RHEX: variants seen among roughly 807,000 people sequenced by gnomAD.
The protein encoded by RHEX is regulator of hemoglobinization and erythroid cell expansion.
Under a neutral mutation model 20.1 loss-of-function variants are expected in RHEX, and 18 were observed. That is an observed-to-expected ratio of 0.90 (90% CI 0.62 to 1.33). RHEX has a LOEUF of 1.33. RHEX is among the 40% of genes most tolerant of loss of function. The pLI is 0.00. For synonymous variants in RHEX, 87 were observed against 77.1 expected (o/e 1.13, Z -0.67); for missense variants, 192 against 214.3 (o/e 0.90, Z 0.65).
At chr1:206,065,066 T>C (rs1450927477) in intron 1 of RHEX, among the ~76,000 whole-genome samples, 3 of 152,104 alleles carry the variant, frequency 2.0e-5, no homozygotes, top group African/African-American at 7.3e-5. Context: ...GTTAAACAGA[T>C]GCTTGAAGGC....
chr1:206,074,030 G>A (rs1369360642), intron 1 of RHEX, among the ~76,000 whole-genome samples: 9 of 152,052 alleles, frequency 5.9e-5, no homozygotes, highest in East Asian at 5.8e-4. Flanking sequence ...CCTCGTACCC[G>A]CTCCCCTCTA....
At chr1:206,055,550 G>C (rs1429453985) in intron 1 of RHEX, among the ~76,000 whole-genome samples, 1 of 152,214 alleles carries the variant, frequency 6.6e-6, no homozygotes, top group Non-Finnish European at 1.5e-5. Flanking sequence ...CATCTATTTA[G>C]ATGCAATCGA....
intron 1 of RHEX, among the ~76,000 whole-genome samples, chr1:206,055,729 A>G (rs1164653967): frequency 1.3e-5 from 2 of 152,258 alleles, no homozygotes; most frequent in Non-Finnish European, 2.9e-5. Flanking sequence ...GAAAAAACCC[A>G]TGTCGGCCCC....
At chr1:206,069,733 T>A (rs1222037559) in intron 1 of RHEX, among the ~76,000 whole-genome samples, 2 of 151,486 alleles carry the variant, frequency 1.3e-5, no homozygotes, top group African/African-American at 4.8e-5. Context: ...GCCTGTTCTG[T>A]CTGCACCGAC....
Position 206,071,546 on chromosome 1 carries a change from C to CAA in RHEX, c.-97+18298_-97+18299dup, listed in dbSNP as rs35408708. Among the ~76,000 whole-genome samples, 354 of 95,860 alleles carry CAA rather than the reference C, an allele frequency of 3.7e-3. 8 individuals are homozygous for CAA. In the East Asian group the frequency reaches 0.058, roughly 16 times the overall value. The allele number at this position is 95,860 out of a possible 152,430, so 62.9% of individuals were successfully genotyped here. ...AAACTATAAGATGCTGTTGAAAATGCAAAAAAAAAAAAAAAAAAGGCATTG... is the reference window on the plus strand; with the variant it reads ...AAACTATAAGATGCTGTTGAAAATGCAAAAAAAAAAAAAAAAAAAAGGCATTG... On this transcript the variant is annotated intron_variant, in intron 1 of 5. Coordinates refer to ENST00000331555, the MANE Select transcript of RHEX (RefSeq NM_001007544.4).
chr1:206,099,322 C>CTT (rs368943257), intron 3 of RHEX, among the ~76,000 whole-genome samples: 10 of 144,248 alleles, frequency 6.9e-5, no homozygotes, highest in Admixed American at 1.4e-4. Flanking sequence ...GCAGCTTCCA[C>CTT]TTTTTTTTTT....
rs528047489 is a variant in RHEX, at chr1:206,060,166, T to C, written c.-97+6901T>C. Among the ~76,000 whole-genome samples the C allele has an allele frequency of 2.0e-4, 30 of 152,252 alleles. No homozygotes were observed. In the East Asian group the frequency reaches 5.8e-3, roughly 29 times the overall value. Reference sequence around the variant, plus strand: ...TACCAGCCCTATGACCCTGAGCAAGTGTGATCCTCAAGAACTGTTTTTCTT... The same window carrying C: ...TACCAGCCCTATGACCCTGAGCAAGCGTGATCCTCAAGAACTGTTTTTCTT... On this transcript the variant is annotated intron_variant, in intron 1 of 5. Transcript: ENST00000331555.
intron 1 of RHEX, among the ~76,000 whole-genome samples, chr1:206,072,908 G>A (rs781917068): frequency 4.8e-5 from 7 of 146,684 alleles, no homozygotes; most frequent in African/African-American, 7.7e-5. Context: ...CACAGCTCAC[G>A]GCAACCTTAA....
In RHEX at chr1:206,101,980, T is replaced by C. The variant is rs782477213; in HGVS notation, c.*28T>C. On this transcript the variant is annotated 3_prime_UTR_variant, in exon 6 of 6. Transcript: ENST00000331555. The stretch of plus-strand genomic sequence containing the variant: ...TCCAAATATTTTTAATGGGGTCCAG[T>C]TCTCTATGGATTCTTACATTTAATT... 1.3e-6 allele frequency: 2 copies of C among 1,518,556 alleles called. No homozygotes were observed. Among genetic ancestry groups the C allele is most frequent in the Non-Finnish European group, 1.8e-6 (2 of 1,094,306 alleles). 94.1% of individuals were successfully genotyped at this position (1,518,556 alleles called of 1,614,324 possible). A position where few individuals can be genotyped will look rare whatever the true frequency, so the allele number is the denominator to read the frequency against.
rs147455864 is a variant in RHEX, at chr1:206,078,164, A to G, written c.-96-19569A>G. 3.5e-3 allele frequency among the ~76,000 whole-genome samples: 529 copies of G among 152,296 alleles called. 3 individuals carry two copies. The highest frequency in any genetic ancestry group is 0.012 in the African/African-American group (503 of 41,564). ...TCATTATGTATATGAAAATATTCCA[A>G]AATTCAACTCCCTTCCCCACCAAAT... On this transcript the variant is annotated intron_variant, in intron 1 of 5. Transcript: ENST00000331555.
intron 1 of RHEX, chr1:206,080,152 C>T (rs1249075274): frequency 2.0e-5 from 3 of 152,162 alleles, no homozygotes; most frequent in Admixed American, 6.5e-5. Flanking sequence ...ATGTGGAAAA[C>T]TATTCTTTTA....
chr1:206,064,763 C>G (rs1236873237), intron 1 of RHEX, among the ~76,000 whole-genome samples: 25 of 152,214 alleles, frequency 1.6e-4, no homozygotes, highest in Middle Eastern at 3.4e-3. Context: ...GCCACCGCCC[C>G]GTCTGGGAGG....
At chr1:206,064,913 T>C (rs1193395622) in intron 1 of RHEX, among the ~76,000 whole-genome samples, 2 of 151,674 alleles carry the variant, frequency 1.3e-5, no homozygotes, top group African/African-American at 4.9e-5. Context: ...TGGGAGACTT[T>C]TCATTTTGTT....
At chr1:206,072,829 C>CTTTTTTTTT (rs71152466) in intron 1 of RHEX, among the ~76,000 whole-genome samples, 2 of 121,650 alleles carry the variant, frequency 1.6e-5, no homozygotes, top group African/African-American at 6.4e-5. Context: ...CCTCCTGTGT[C>CTTTTTTTTT]TTTTTTTTTT....
chr1:206,058,718 G>A (rs936170626), intron 1 of RHEX, among the ~76,000 whole-genome samples: 14 of 152,226 alleles, frequency 9.2e-5, no homozygotes, highest in South Asian at 2.1e-4. Flanking sequence ...GTCACATACC[G>A]CCTGCTTGCT....
In RHEX at chr1:206,102,152, C is replaced by G; in HGVS notation, c.*200C>G. Reference sequence around the variant, plus strand: ...GACTCCTGGTCTGTACCCAAAAAAGCTGTTCGTTCCTCAAAAACAAAAACA... The same window carrying G: ...GACTCCTGGTCTGTACCCAAAAAAGGTGTTCGTTCCTCAAAAACAAAAACA... On this transcript the variant is annotated 3_prime_UTR_variant, in exon 6 of 6. Coordinates refer to ENST00000331555, the MANE Select transcript of RHEX (RefSeq NM_001007544.4). 1 of 589,780 alleles carries G rather than the reference C, an allele frequency of 1.7e-6. No individual in the cohort carries two copies. Among genetic ancestry groups the G allele is most frequent in the Middle Eastern group, 4.0e-4 (1 of 2,514 alleles). The allele number at this position is 589,780 out of a possible 1,614,324, so 36.5% of individuals were successfully genotyped here. A position where few individuals can be genotyped will look rare whatever the true frequency, so the allele number is the denominator to read the frequency against.
intron 1 of RHEX, among the ~76,000 whole-genome samples, chr1:206,076,249 G>C (rs1662635187): frequency 2.0e-5 from 3 of 151,994 alleles, no homozygotes; most frequent in African/African-American, 7.2e-5. Flanking sequence ...CAAACTCCTG[G>C]GGTCAAGCCA....
chr1:206,054,321 A>C lies in RHEX; in HGVS notation c.-97+1056A>C, dbSNP rs1476251034. Among the ~76,000 whole-genome samples the C allele has an allele frequency of 7.9e-5, 12 of 152,364 alleles. No homozygotes were observed. In the East Asian group the frequency reaches 2.3e-3, roughly 29 times the overall value. The stretch of plus-strand genomic sequence containing the variant: ...TGTTATAAAAAAATTTATGCAAAAA[A>C]TGTTGTATAATTTAAAAGTAATAAG... On this transcript the variant is annotated intron_variant, in intron 1 of 5. Transcript: ENST00000331555.
At chr1:206,080,426 G>A (rs1662712702) in intron 1 of RHEX, 2 of 152,192 alleles carry the variant, frequency 1.3e-5, no homozygotes, top group African/African-American at 4.8e-5. Flanking sequence ...TGTTTTCTGT[G>A]AAACATTGTG....
Sources: gnomAD v4.1 joint callset for allele counts (sites outside exome capture counted in the v4.1 genomes callset) on GRCh38, gnomAD v4.1.1 for gene constraint, MANE v1.5 for transcripts, NCBI Gene and HGNC (gene_info 2026-07-23, HGNC 2026-07-21) for gene names.